The following COL8A2 variants were observed in gnomAD, a reference collection of about 807,000 sequenced individuals.
COL8A2 encodes collagen type VIII alpha 2 chain.
In COL8A2, 16 loss-of-function variants were observed where a neutral mutation model predicts 24.0. The observed-to-expected ratio is 0.67, with a 90% CI of 0.45 to 1.01. The LOEUF is 1.01. Among genes scored for constraint, COL8A2 ranks in the 50% least tolerant of loss-of-function variants. The pLI is 0.00. For synonymous variants in COL8A2, 466 were observed against 424.5 expected (o/e 1.10, Z -1.20); for missense variants, 818 against 942.4 (o/e 0.87, Z 1.73).
At chr1:36,103,923 G>A (rs10443886) in intron 2 of COL8A2, among the ~76,000 whole-genome samples, 97,875 of 151,626 alleles carry the variant, frequency 0.65, 34,069 homozygotes, top group Non-Finnish European at 0.8. Flanking sequence ...GCTGGGCACC[G>A]TGGCTCATGC....
chr1:36,110,184 G>A (rs184891357), intron 2 of COL8A2, among the ~76,000 whole-genome samples: 6 of 150,148 alleles, frequency 4.0e-5, no homozygotes, highest in East Asian at 2.0e-4. Flanking sequence ...CACCCGCCTC[G>A]GCCTCCCAAA....
chr1:36,113,678 G>T (rs946223868), intron 2 of COL8A2, among the ~76,000 whole-genome samples: 25 of 152,324 alleles, frequency 1.6e-4, no homozygotes, highest in African/African-American at 6.0e-4. Context: ...GACTGCCTGG[G>T]GGCCACCTTC....
At chr1:36,099,946 T>C in intron 3 of COL8A2, 104 bp downstream of exon 3, 1 of 1,079,874 alleles carries the variant, frequency 9.3e-7, no homozygotes, top group Non-Finnish European at 1.4e-6. Flanking sequence ...TGGTGGGGAA[T>C]GAGGAGCTGT....
Position 36,098,896 on chromosome 1 carries a change from G to A in COL8A2, c.785C>T (p.Pro262Leu), listed in dbSNP as rs765730993. The change falls in exon 4 of 4, where the codon CCC becomes CTC. Residue 262 changes from proline to leucine, a missense_variant. Transcript: ENST00000397799. ...GESGPPGVPG[P>L]RGEPGAVGPK... is the part of the protein sequence containing the mutation. ...GCCCACAGCTCCTGGCTCCCCCCTG[G>A]GGCCTGGAACTCCAGGAGGCCCAGA... 25 of 1,611,878 alleles carry A rather than the reference G, an allele frequency of 1.6e-5. No individual in the cohort carries two copies. The highest frequency in any genetic ancestry group is 1.6e-4 in the Middle Eastern group (1 of 6,078).
At chr1:36,106,420 C>CCTCCTG (rs1013403394) in intron 2 of COL8A2, among the ~76,000 whole-genome samples, 2 of 152,138 alleles carry the variant, frequency 1.3e-5, no homozygotes, top group African/African-American at 4.8e-5. Context: ...AGGGGAGGGC[C>CCTCCTG]CTCCTGCACT....
intron 3 of COL8A2, 112 bp downstream of exon 3, chr1:36,099,938 G>T: frequency 9.9e-7 from 1 of 1,012,676 alleles, no homozygotes; most frequent in Non-Finnish European, 1.5e-6. Context: ...AGGAAAATTG[G>T]TGGGGAATGA....
In COL8A2 at chr1:36,098,891, C is replaced by T; in HGVS notation, c.790G>A (p.Gly264Arg). Residue 264 changes from glycine (G) to arginine (R), a missense_variant, in exon 4 of 4, where the codon GGG becomes AGG. Gly to Arg is a moderately radical substitution (Grantham distance 125). Transcript: ENST00000397799. Reference protein sequence around the residue: ...SGPPGVPGPRGEPGAVGPKGP... With the variant: ...SGPPGVPGPRREPGAVGPKGP... ...TTTGGGCCCACAGCTCCTGGCTCCC[C>T]CCTGGGGCCTGGAACTCCAGGAGGC... 1 of 1,612,454 alleles carries T rather than the reference C, an allele frequency of 6.2e-7. No homozygotes were observed. Among genetic ancestry groups the T allele is most frequent in the Non-Finnish European group, 8.5e-7 (1 of 1,179,722 alleles).
intron 2 of COL8A2, among the ~76,000 whole-genome samples, chr1:36,101,386 T>C (rs1643677719): frequency 6.6e-6 from 1 of 152,190 alleles, no homozygotes; most frequent in African/African-American, 2.4e-5. Flanking sequence ...ATTTTCCTCC[T>C]CTACTCATCT....
rs183606761 is a variant in COL8A2 at position 36,111,893 on chromosome 1, A to G, written c.-17+3815T>C. 1.8e-4 allele frequency among the ~76,000 whole-genome samples: 27 copies of G among 152,154 alleles called. No individual in the cohort carries two copies. In the East Asian group the frequency reaches 5.2e-3, roughly 29 times the overall value. On this transcript the variant is annotated intron_variant, in intron 2 of 3. Transcript: ENST00000397799. ...CCTCAGAGATCCCACCCAAACTGCT[A>G]TCATTACCTTCTCCCTCATTACATG...
At chr1:36,119,334 T>C (rs1356412092) in intron 1 of COL8A2, among the ~76,000 whole-genome samples, 3 of 152,150 alleles carry the variant, frequency 2.0e-5, no homozygotes, top group African/African-American at 7.2e-5. Context: ...TGAACCCAAG[T>C]TCACCATTTG....
chr1:36,121,016 G>A (rs1643909137), intron 1 of COL8A2, among the ~76,000 whole-genome samples: 1 of 151,190 alleles, frequency 6.6e-6, no homozygotes, highest in African/African-American at 2.4e-5. Flanking sequence ...TTGAATCCAG[G>A]AGGTGGAGGT....
intron 2 of COL8A2, among the ~76,000 whole-genome samples, chr1:36,104,509 A>G (rs1643726300): frequency 7.0e-6 from 1 of 143,860 alleles, no homozygotes; most frequent in Non-Finnish European, 1.5e-5. Context: ...AAATAAATAA[A>G]TAATAAAATA....
rs191939512 is a variant in COL8A2 at position 36,120,431 on chromosome 1, T to C, written c.-62+4626A>G. On this transcript the variant is annotated intron_variant, in intron 1 of 3. Coordinates refer to ENST00000397799, the MANE Select transcript of COL8A2 (RefSeq NM_005202.4). ...TTGCACCACTGCACTCCAGCCTGGG[T>C]GACAGAGACTCCATCTCAAAAAAAT... is the stretch of plus-strand genomic sequence containing the variant. Among the ~76,000 whole-genome samples, 1,193 of 147,952 alleles carry C rather than the reference T, an allele frequency of 8.1e-3. 11 individuals carry two copies. The highest frequency in any genetic ancestry group is 0.025 in the African/African-American group (982 of 39,856).
Position 36,123,964 on chromosome 1 carries a change from G to A in COL8A2, c.-62+1093C>T, listed in dbSNP as rs1417968137. ...CCTCTGCTTGGGGCAGTAAGGATCA[G>A]TCGATCTTAGCTCAGTCCCCAGAGA... On this transcript the variant is annotated intron_variant, in intron 1 of 3. Coordinates refer to ENST00000397799, the MANE Select transcript of COL8A2 (RefSeq NM_005202.4). This position sits in a 1 kb window ranked among gnomAD's most constrained non-coding sequence, Gnocchi z 4.1. Among the ~76,000 whole-genome samples, 2 of 152,082 alleles carry A rather than the reference G, an allele frequency of 1.3e-5. No homozygotes were observed. The highest frequency in any genetic ancestry group is 2.9e-5 in the Non-Finnish European group (2 of 68,034).
At chr1:36,109,014 C>T (rs148053986) in intron 2 of COL8A2, among the ~76,000 whole-genome samples, 114 of 152,282 alleles carry the variant, frequency 7.5e-4, no homozygotes, top group Non-Finnish European at 9.6e-4. Flanking sequence ...CCCAGGCACC[C>T]GCTAGGTTCC....
chr1:36,099,940 G>C, intron 3 of COL8A2, 110 bp downstream of exon 3: 2 of 1,024,394 alleles, frequency 2.0e-6, no homozygotes, highest in Non-Finnish European at 3.0e-6. Context: ...GAAAATTGGT[G>C]GGGAATGAGG....
At position 36,123,305 on chromosome 1, in the gene COL8A2, C is replaced by T. The variant is rs1643927514; in HGVS notation, c.-62+1752G>A. Among the ~76,000 whole-genome samples, 1 of 152,240 alleles carries T rather than the reference C, an allele frequency of 6.6e-6. No homozygotes were observed. Among genetic ancestry groups the T allele is most frequent in the South Asian group, 2.1e-4 (1 of 4,838 alleles). ...GGAGCGGGCTGGGGGGCCAGCAGGG[C>T]AAGGAAGCTGGGGCTGTGCGTCCTT... is the stretch of plus-strand genomic sequence containing the variant. On this transcript the variant is annotated intron_variant, in intron 1 of 3. Coordinates refer to ENST00000397799, the MANE Select transcript of COL8A2 (RefSeq NM_005202.4). This position sits in a 1 kb window ranked among gnomAD's most constrained non-coding sequence, Gnocchi z 4.1.
intron 2 of COL8A2, among the ~76,000 whole-genome samples, chr1:36,105,558 C>T (rs531995925): frequency 2.6e-5 from 4 of 152,208 alleles, no homozygotes; most frequent in South Asian, 2.1e-4. Context: ...CCTGACCCAC[C>T]GGGGAATGCT....
At chr1:36,120,564 G>A (rs1252047337) in intron 1 of COL8A2, among the ~76,000 whole-genome samples, 2 of 151,524 alleles carry the variant, frequency 1.3e-5, no homozygotes, top group Non-Finnish European at 2.9e-5. Flanking sequence ...CCTGACCAAC[G>A]TGGTGAAACC....
Sources: gnomAD v4.1 joint callset for allele counts (sites outside exome capture counted in the v4.1 genomes callset) on GRCh38, gnomAD v4.1.1 for gene constraint, Gnocchi (gnomAD v3.1) non-coding constraint, MANE v1.5 for transcripts, NCBI Gene and HGNC (gene_info 2026-07-23, HGNC 2026-07-21) for gene names.